Variants in CUX1 observed in about 807,000 individuals in gnomAD.
CUX1 encodes the protein protein CASP.
CUX1 carries 31 observed loss-of-function variants against 158.8 expected under a neutral mutation model. That is an observed-to-expected ratio of 0.20 (90% confidence interval 0.15 to 0.26). CUX1 has a LOEUF of 0.26. Among genes scored for constraint, CUX1 ranks in the 10% least tolerant of loss-of-function variants. CUX1 has a pLI of 1.00. For synonymous variants in CUX1, 879 were observed against 862.1 expected (o/e 1.02, Z -0.34); for missense variants, 1,589 against 2,014.6 (o/e 0.79, Z 4.04).
At chr7:102,170,600 C>A in intron 10 of CUX1, 50 bp downstream of exon 10, 1 of 1,279,160 alleles carries the variant, frequency 7.8e-7, no homozygotes, top group Non-Finnish European at 1.1e-6. Flanking sequence ...GCCTCCGCAC[C>A]TTCGAGTTAC....
At chr7:102,062,603 T>A (rs1415685104) in intron 3 of CUX1, among the ~76,000 whole-genome samples, 1 of 152,144 alleles carries the variant, frequency 6.6e-6, no homozygotes, top group African/African-American at 2.4e-5. Flanking sequence ...CTTGACCTCC[T>A]GAGCTCAAGG....
intron 3 of CUX1, among the ~76,000 whole-genome samples, chr7:102,049,842 AG>A (rs1332860218): frequency 2.6e-5 from 4 of 152,168 alleles, no homozygotes; most frequent in Admixed American, 2.6e-4. Flanking sequence ...TTGGGGACTT[AG>A]GAGAGCAAGT....
At chr7:101,872,204 G>T (rs1798639988) in intron 1 of CUX1, among the ~76,000 whole-genome samples, 1 of 151,792 alleles carries the variant, frequency 6.6e-6, no homozygotes, top group Non-Finnish European at 1.5e-5. Context: ...CATGATCTTG[G>T]CTCACTGCAA....
chr7:101,858,876 G>A (rs1029662433), intron 1 of CUX1, among the ~76,000 whole-genome samples: 1 of 152,076 alleles, frequency 6.6e-6, no homozygotes, highest in African/African-American at 2.4e-5. Context: ...ATGTTGGCCA[G>A]GCTGGACTCA....
At chr7:101,876,642 T>A (rs1231437927) in intron 1 of CUX1, among the ~76,000 whole-genome samples, 1 of 151,832 alleles carries the variant, frequency 6.6e-6, no homozygotes, top group Non-Finnish European at 1.5e-5. Flanking sequence ...TTGCAGTGAG[T>A]TGAGATCGGG....
At chr7:101,832,371 G>A (rs987282423) in intron 1 of CUX1, among the ~76,000 whole-genome samples, 6 of 152,150 alleles carry the variant, frequency 3.9e-5, no homozygotes, top group Non-Finnish European at 7.4e-5. Flanking sequence ...GCCTGTGGAG[G>A]GTGTGGTCAT....
At chr7:102,141,460 T>C (rs1834450783) in intron 8 of CUX1, among the ~76,000 whole-genome samples, 1 of 152,122 alleles carries the variant, frequency 6.6e-6, no homozygotes, top group Non-Finnish European at 1.5e-5. Context: ...GAGCTTGGGT[T>C]GGTCAGAAGA....
At chr7:101,958,240 G>A (rs1810004817) in intron 2 of CUX1, among the ~76,000 whole-genome samples, 1 of 152,112 alleles carries the variant, frequency 6.6e-6, no homozygotes, top group Non-Finnish European at 1.5e-5. Context: ...AAATGACAGC[G>A]TTGACATCTG....
At chr7:101,997,000 C>T (rs766374101) in intron 2 of CUX1, among the ~76,000 whole-genome samples, 4 of 152,140 alleles carry the variant, frequency 2.6e-5, no homozygotes, top group Non-Finnish European at 4.4e-5. Context: ...CCCCTGCGCT[C>T]GTGTGCACTC....
chr7:102,085,525 G>A (rs782155592), intron 4 of CUX1, among the ~76,000 whole-genome samples: 3 of 152,042 alleles, frequency 2.0e-5, no homozygotes, highest in Non-Finnish European at 4.4e-5. Flanking sequence ...CGCTTTGCTT[G>A]TCACTCCTTC....
At chr7:102,169,189 TC>T (rs1368908256) in intron 9 of CUX1, among the ~76,000 whole-genome samples, 3 of 152,108 alleles carry the variant, frequency 2.0e-5, no homozygotes, top group Non-Finnish European at 4.4e-5. Context: ...CACTTCAGTC[TC>T]CCAAAGTGCT....
In CUX1 at chr7:102,248,707, C is replaced by G; in HGVS notation, c.4183C>G (p.Pro1395Ala). Residue 1395 changes from proline to alanine, a missense_variant, in exon 24 of 24, where the codon CCC becomes GCC. Physicochemically the swap from Pro to Ala is conservative, Grantham distance 27. Around this residue, in one of 8 missense-constraint regions of CUX1, gnomAD observed 344 missense variants for 323.7 expected, o/e 1.06. Transcript: ENST00000292535. The surrounding 1 kb of genome is among the most constrained non-coding windows in gnomAD (Gnocchi z 5.8). The part of the protein sequence containing the change: ...DARDDDHEGG[P>A]VEGPGPLPSP... ...CCGCGACGACGACCACGAGGGAGGCCCCGTGGAAGGCCCGGGGCCCCTGCC... is the reference window on the plus strand; with the variant it reads ...CCGCGACGACGACCACGAGGGAGGCGCCGTGGAAGGCCCGGGGCCCCTGCC... 1 of 1,229,358 alleles carries G rather than the reference C, an allele frequency of 8.1e-7. No homozygotes were observed. Among genetic ancestry groups the G allele is most frequent in the East Asian group, 4.6e-5 (1 of 21,932 alleles). The allele number at this position is 1,229,358 out of a possible 1,614,324, so 76.2% of individuals were successfully genotyped here.
chr7:102,044,975 G>T (rs752901916), intron 3 of CUX1, among the ~76,000 whole-genome samples: 4 of 152,144 alleles, frequency 2.6e-5, no homozygotes, highest in Non-Finnish European at 5.9e-5. Flanking sequence ...CTGTCCGCAG[G>T]CTCTTGGGCC....
intron 5 of CUX1, among the ~76,000 whole-genome samples, chr7:102,102,143 C>A (rs1445090734): frequency 3.3e-5 from 5 of 151,998 alleles, no homozygotes; most frequent in African/African-American, 9.7e-5. Context: ...AACCAAAAGG[C>A]GGAAAGTTGC....
intron 10 of CUX1, 66 bp from the exon 11 acceptor site, chr7:102,178,403 C>A: frequency 6.9e-7 from 1 of 1,457,880 alleles, no homozygotes; most frequent in Non-Finnish European, 9.3e-7. Context: ...CAGTTGCCAG[C>A]ACAGGTAGCC....
intron 2 of CUX1, among the ~76,000 whole-genome samples, chr7:102,003,648 C>T (rs1006462454): frequency 1.3e-5 from 2 of 152,182 alleles, no homozygotes; most frequent in African/African-American, 4.8e-5. Flanking sequence ...CAGGTGGTTT[C>T]AGCCTCTGAT....
chr7:102,238,579 T>C (rs1450123333), intron 22 of CUX1, among the ~76,000 whole-genome samples: 1 of 152,242 alleles, frequency 6.6e-6, no homozygotes, highest in Non-Finnish European at 1.5e-5. Context: ...TATTCTTGTT[T>C]TATATTTTAT....
chr7:102,207,294 G>A (rs186967658), intron 20 of CUX1, among the ~76,000 whole-genome samples: 53 of 152,236 alleles, frequency 3.5e-4, no homozygotes, highest in African/African-American at 1.1e-3. Flanking sequence ...AGATGGGTGT[G>A]TCTCCCCCAC....
At chr7:102,280,781 C>T (rs782480637) in intron 19 of CUX1, 4 of 1,612,288 alleles carry the variant, frequency 2.5e-6, no homozygotes, top group Non-Finnish European at 3.4e-6. Context: ...GGGGTCCTTT[C>T]CTGACTGTCC....
Sources: gnomAD v4.1 joint callset for allele counts (sites outside exome capture counted in the v4.1 genomes callset) on GRCh38, gnomAD v4.1.1 for gene constraint, gnomAD v4.1.1 regional missense constraint, Gnocchi (gnomAD v3.1) non-coding constraint, MANE v1.5 for transcripts, NCBI Gene and HGNC (gene_info 2026-07-23, HGNC 2026-07-21) for gene names.